Variants in MAPK10 observed in about 807,000 individuals in gnomAD.
MAPK10 encodes the protein mitogen-activated protein kinase 10, also known as JNK3 alpha protein kinase.
In MAPK10, 25 loss-of-function variants were observed where a neutral mutation model predicts 59.3. The ratio of observed to expected loss-of-function variants is 0.42; its 90% CI spans 0.31 to 0.59. MAPK10 has a LOEUF of 0.59. MAPK10 is among the 20% of genes least tolerant of loss of function. MAPK10 has a pLI of 0.15. For missense variants in MAPK10, 351 were observed against 568.9 expected (o/e 0.62, Z 3.90); for synonymous variants, 190 against 200.5 (o/e 0.95, Z 0.44).
intron 6 of MAPK10, chr4:86,102,490 A>T (rs1048393726): frequency 2.6e-5 from 4 of 154,122 alleles, no homozygotes; most frequent in African/African-American, 9.6e-5. Flanking sequence ...AAGAATAAAG[A>T]TAATTTTCAC....
intron 2 of MAPK10, among the ~76,000 whole-genome samples, chr4:86,262,656 TTAA>T (rs1432234703): frequency 6.6e-6 from 1 of 152,184 alleles, no homozygotes; most frequent in Non-Finnish European, 1.5e-5. Flanking sequence ...AATTAATTAA[TTAA>T]TGAGTGAATG....
rs2149071391 is a variant in MAPK10, at chr4:86,101,036, C to G, written c.730+16G>C. On this transcript the variant is annotated intron_variant, in intron 8 of 13. Coordinates refer to ENST00000641462, the MANE Select transcript of MAPK10 (RefSeq NM_138982.4). ...TCATTCATGGTTTTGATGCTGCTCT[C>G]CCGAAGCATCCCTACCGTTCTCCTT... is the stretch of plus-strand genomic sequence containing the variant. 1 of 1,611,488 alleles carries G rather than the reference C, an allele frequency of 6.2e-7. No homozygotes were observed. Among genetic ancestry groups the G allele is most frequent in the Middle Eastern group, 1.7e-4 (1 of 6,032 alleles).
chr4:86,309,586 T>C (rs1220426678), intron 2 of MAPK10, among the ~76,000 whole-genome samples: 5 of 152,184 alleles, frequency 3.3e-5, no homozygotes, highest in Non-Finnish European at 7.3e-5. Context: ...CTAGAAATCG[T>C]TCGTGGTGGT....
chr4:86,454,532 A>C (rs189038152), upstream of MAPK10, among the ~76,000 whole-genome samples: 195 of 152,262 alleles, frequency 1.3e-3, no homozygotes, highest in African/African-American at 4.0e-3. Flanking sequence ...TCAAACAAGC[A>C]GAAAAGCTTC....
At chr4:86,040,961 A>G (rs2148939098) in intron 11 of MAPK10, 1 of 152,232 alleles carries the variant, frequency 6.6e-6, no homozygotes, top group South Asian at 2.1e-4. Context: ...TCTCACAAGA[A>G]GATGCTTAAG....
At chr4:86,311,689 GGCAA>G (rs2095672009) in intron 2 of MAPK10, among the ~76,000 whole-genome samples, 1 of 152,046 alleles carries the variant, frequency 6.6e-6, no homozygotes, top group African/African-American at 2.4e-5. Flanking sequence ...TTATGTCAAA[GGCAA>G]GCCCTCTGTC....
At chr4:86,476,585 AT>A (rs1442044978) in intron 1 of MAPK10, among the ~76,000 whole-genome samples, 1 of 152,192 alleles carries the variant, frequency 6.6e-6, no homozygotes, top group African/African-American at 2.4e-5. Context: ...CTCAATATGC[AT>A]TTTATTTTAT....
chr4:86,313,347 C>T (rs1671685544), intron 2 of MAPK10, among the ~76,000 whole-genome samples: 1 of 151,970 alleles, frequency 6.6e-6, no homozygotes, highest in African/African-American at 2.4e-5. Context: ...CAAAAGAACA[C>T]ACATAAAAGC....
At chr4:86,180,805 C>T (rs1198493800) in intron 3 of MAPK10, among the ~76,000 whole-genome samples, 1 of 151,760 alleles carries the variant, frequency 6.6e-6, no homozygotes, top group Non-Finnish European at 1.5e-5. Flanking sequence ...AAAAGTTGAT[C>T]TCATAGAAAT....
chr4:86,338,889 C>T (rs1446741011), intron 2 of MAPK10, among the ~76,000 whole-genome samples: 1 of 151,976 alleles, frequency 6.6e-6, no homozygotes, highest in Non-Finnish European at 1.5e-5. Context: ...TGACAAAATT[C>T]CCTACCTGAC....
chr4:86,434,228 T>C (rs1170591799), intron 1 of MAPK10, among the ~76,000 whole-genome samples: 1 of 152,176 alleles, frequency 6.6e-6, no homozygotes, highest in African/African-American at 2.4e-5. Flanking sequence ...TCATGCACCA[T>C]TGGTCTGGGC....
At chr4:86,021,912 C>G (rs1397579876) in intron 13 of MAPK10, among the ~76,000 whole-genome samples, 1 of 152,234 alleles carries the variant, frequency 6.6e-6, no homozygotes, top group East Asian at 1.9e-4. Flanking sequence ...TGCGGGGGCC[C>G]GCCAAGCCCA....
At chr4:86,070,806 G>A (rs2047752567) in intron 9 of MAPK10, among the ~76,000 whole-genome samples, 1 of 151,870 alleles carries the variant, frequency 6.6e-6, no homozygotes, top group Non-Finnish European at 1.5e-5. Flanking sequence ...GGACATTTGG[G>A]TTGGTTCCAA....
At chr4:86,508,262 T>G (rs901554916) in intron 1 of MAPK10, among the ~76,000 whole-genome samples, 8 of 152,178 alleles carry the variant, frequency 5.3e-5, no homozygotes, top group African/African-American at 1.9e-4. Context: ...TGGAATTGAG[T>G]GCAGTACTGA....
At chr4:86,262,179 G>A (rs1162633631) in intron 2 of MAPK10, among the ~76,000 whole-genome samples, 2 of 152,300 alleles carry the variant, frequency 1.3e-5, no homozygotes. Context: ...AGGTGATTAG[G>A]TCACTATAGC....
intron 9 of MAPK10, among the ~76,000 whole-genome samples, chr4:86,096,801 A>G (rs561946021): frequency 3.9e-4 from 60 of 152,156 alleles, no homozygotes; most frequent in African/African-American, 1.3e-3. Flanking sequence ...ACTATAGATA[A>G]GTAAAGTGAA....
chr4:86,542,611 A>T lies in MAPK10; in HGVS notation c.-263+51299T>A, dbSNP rs1029608218. Reference sequence around the variant, plus strand: ...CCTGGGCAACGTGAGACTCTCTCTAAAAAAAAGAAACTCCCTATGATAATA... The same window carrying T: ...CCTGGGCAACGTGAGACTCTCTCTATAAAAAAGAAACTCCCTATGATAATA... On this transcript the variant is annotated intron_variant, in intron 1 of 4. Transcript: ENST00000502302. 6 of 154,216 alleles carry T rather than the reference A, an allele frequency of 3.9e-5. No individual in the cohort carries two copies. In the Admixed American group the frequency reaches 3.9e-4, roughly 10 times the overall value. The allele number at this position is 154,216 out of a possible 1,614,324, so 9.6% of individuals were successfully genotyped here. A position where few individuals can be genotyped will look rare whatever the true frequency, so the allele number is the denominator to read the frequency against.
intron 4 of MAPK10, among the ~76,000 whole-genome samples, chr4:86,110,376 T>G (rs1281680726): frequency 6.6e-6 from 1 of 152,210 alleles, no homozygotes; most frequent in Non-Finnish European, 1.5e-5. Flanking sequence ...ATTTACTTCT[T>G]TAATCCATCT....
chr4:86,481,209 G>A (rs1161087748), intron 1 of MAPK10, among the ~76,000 whole-genome samples: 5 of 152,146 alleles, frequency 3.3e-5, no homozygotes, highest in African/African-American at 4.8e-5. Context: ...ATGGCTTACC[G>A]TGGGGAAGAA....
Sources: allele counts gnomAD v4.1 joint callset (sites outside exome capture counted in the v4.1 genomes callset), GRCh38; gene constraint gnomAD v4.1.1; transcripts MANE v1.5; gene names NCBI Gene and HGNC (gene_info 2026-07-23, HGNC 2026-07-21).